Variants in TMPRSS4 observed in about 807,000 individuals in gnomAD.
TMPRSS4 encodes transmembrane protease serine 4.
Under a neutral mutation model 56.4 loss-of-function variants are expected in TMPRSS4, and 45 were observed. The observed-to-expected ratio is 0.80, with a 90% CI of 0.63 to 1.02. The LOEUF (loss-of-function observed/expected upper bound fraction) is 1.02. TMPRSS4 is among the 50% of genes least tolerant of loss of function. The pLI, the probability that TMPRSS4 is intolerant of heterozygous loss-of-function variation, is 0.00. For synonymous variants in TMPRSS4, 205 were observed against 211.0 expected, an observed-to-expected ratio of 0.97 and a Z score of 0.25; for missense variants, 546 against 556.7, an observed-to-expected ratio of 0.98 and a Z score of 0.19.
At chr11:118,089,683 G>A (rs1945815792) in intron 1 of TMPRSS4, among the ~76,000 whole-genome samples, 1 of 152,060 alleles carries the variant, frequency 6.6e-6, no homozygotes, top group Admixed American at 6.5e-5. Flanking sequence ...ACAAATATTG[G>A]CTATACATAT....
intron 2 of TMPRSS4, among the ~76,000 whole-genome samples, chr11:118,096,846 GGAAAGAAA>G (rs749979292): frequency 0.028 from 1,012 of 36,278 alleles, 154 homozygotes; most frequent in Middle Eastern, 0.11. Flanking sequence ...AAGGAAAGAA[GGAAAGAAA>G]GAAAGAAAGA....
chr11:118,096,266 A>G (rs1946281961), intron 2 of TMPRSS4, among the ~76,000 whole-genome samples: 2 of 152,248 alleles, frequency 1.3e-5, no homozygotes, highest in South Asian at 4.1e-4. Flanking sequence ...ATTCCAGTCC[A>G]CATCCCCACT....
chr11:118,082,951 AT>A (rs1258911643), intron 1 of TMPRSS4, among the ~76,000 whole-genome samples: 1 of 152,158 alleles, frequency 6.6e-6, no homozygotes, highest in African/African-American at 2.4e-5. Flanking sequence ...CTCCACTGAA[AT>A]CAAATGCAGA....
intron 2 of TMPRSS4, among the ~76,000 whole-genome samples, chr11:118,096,803 G>A (rs532137861): frequency 1.4e-5 from 2 of 143,454 alleles, no homozygotes; most frequent in East Asian, 4.0e-4. Flanking sequence ...GAGAGAGAGA[G>A]GAGAGAAAAA....
At chr11:118,124,279 G>A (rs144027185), downstream of TMPRSS4, among the ~76,000 whole-genome samples, 1,680 of 152,218 alleles carry the variant, frequency 0.011, 35 homozygotes, top group African/African-American at 0.038. Context: ...CACCTACTTG[G>A]GAGGCTGAGG....
chr11:118,102,077 C>T (rs902802137), intron 3 of TMPRSS4, among the ~76,000 whole-genome samples: 1 of 152,056 alleles, frequency 6.6e-6, no homozygotes, highest in Non-Finnish European at 1.5e-5. Flanking sequence ...TGTGCCATGG[C>T]GGTTTGCTGC....
Position 118,111,734 on chromosome 11 carries a change from T to C in TMPRSS4, c.584-7T>C, listed in dbSNP as rs2135443294. On this transcript the variant is annotated splice_region_variant and splice_polypyrimidine_tract_variant and intron_variant, in intron 7 of 12. Transcript: ENST00000437212. ...CCTGCCTCCTCCCTGCCTCTGCCTG[T>C]GTCCAGCCTGTGGGAAGAGCCTGAA... 1 of 1,562,128 alleles carries C rather than the reference T, an allele frequency of 6.4e-7. No homozygotes were observed. The highest frequency in any genetic ancestry group is 2.4e-5 in the East Asian group (1 of 41,326).
chr11:118,105,084 AAC>A (rs113661712), intron 5 of TMPRSS4, among the ~76,000 whole-genome samples: 127 of 151,604 alleles, frequency 8.4e-4, no homozygotes, highest in African/African-American at 3.0e-3. Context: ...GCTGCCCTCC[AAC>A]ACACACACAC....
chr11:118,118,790 T>C lies in TMPRSS4; in HGVS notation c.*877T>C. On this transcript the variant is annotated 3_prime_UTR_variant, in exon 13 of 13. Coordinates refer to ENST00000437212, the MANE Select transcript of TMPRSS4 (RefSeq NM_019894.4). ...GTCAAGGGTGACATTCAATCAGGGA[T>C]CCACAAGTGGCTGGAAAGAAATGCT... 1.0e-6 allele frequency: 1 copy of C among 985,428 alleles called. No homozygotes were observed. The highest frequency in any genetic ancestry group is 1.2e-6 in the Non-Finnish European group (1 of 829,940). The allele number at this position is 985,428 out of a possible 1,614,324, so 61.0% of individuals were successfully genotyped here.
chr11:118,123,240 A>AC (rs780811158), downstream of TMPRSS4, among the ~76,000 whole-genome samples: 11 of 152,102 alleles, frequency 7.2e-5, no homozygotes, highest in Non-Finnish European at 1.3e-4. Context: ...TCATCACCTT[A>AC]CCCACTAACA....
At chr11:118,107,667 C>A in intron 5 of TMPRSS4, 107 bp from the exon 6 acceptor site, 1 of 905,998 alleles carries the variant, frequency 1.1e-6, no homozygotes, top group Non-Finnish European at 1.7e-6. Flanking sequence ...CACTCCCCAC[C>A]AAGCATTCTC....
intron 1 of TMPRSS4, among the ~76,000 whole-genome samples, chr11:118,090,068 C>A (rs1408374134): frequency 1.3e-5 from 2 of 152,150 alleles, no homozygotes; most frequent in East Asian, 1.9e-4. Flanking sequence ...TGGTCTCGAA[C>A]TCCTGACGTC....
In TMPRSS4 at chr11:118,112,756, G is replaced by A. The variant is rs145071415; in HGVS notation, c.744-513G>A. On this transcript the variant is annotated intron_variant, in intron 8 of 12. Coordinates refer to ENST00000437212, the MANE Select transcript of TMPRSS4 (RefSeq NM_019894.4). Reference sequence around the variant, plus strand: ...CCAGGTACCAAACACCAGATGATGCGCCCAAGTTCATTAGACCCCACCGCT... The same window carrying A: ...CCAGGTACCAAACACCAGATGATGCACCCAAGTTCATTAGACCCCACCGCT... 1.2e-3 allele frequency among the ~76,000 whole-genome samples: 175 copies of A among 150,608 alleles called. 1 individual carries two copies. Among genetic ancestry groups the A allele is most frequent in the African/African-American group, 3.9e-3 (158 of 40,936 alleles).
At chr11:118,104,657 C>A (rs779223241) in intron 4 of TMPRSS4, 34 bp from the exon 5 acceptor site, 12 of 1,613,876 alleles carry the variant, frequency 7.4e-6, no homozygotes, top group Admixed American at 1.7e-5. Flanking sequence ...GTTGGGCCCC[C>A]CGTTCCATCT....
intron 3 of TMPRSS4, among the ~76,000 whole-genome samples, chr11:118,101,845 A>G (rs1035593530): frequency 1.2e-4 from 18 of 152,204 alleles, no homozygotes; most frequent in Non-Finnish European, 2.5e-4. Flanking sequence ...CATCATCCCA[A>G]AATGGCAAAA....
intron 1 of TMPRSS4, among the ~76,000 whole-genome samples, chr11:118,092,212 G>A (rs978531025): frequency 7.2e-5 from 11 of 152,204 alleles, no homozygotes; most frequent in Non-Finnish European, 1.2e-4. Flanking sequence ...CACCTTGCCC[G>A]CTGCCTAGAC....
chr11:118,096,825 G>GGAA (rs1565421994), intron 2 of TMPRSS4, among the ~76,000 whole-genome samples: 1,164 of 21,296 alleles, frequency 0.055, 475 homozygotes, highest in African/African-American at 0.059. Flanking sequence ...GAAAGAAAGA[G>GGAA]AGAAAGAAAG....
At chr11:118,123,536 G>T (rs201538498), downstream of TMPRSS4, among the ~76,000 whole-genome samples, 5 of 149,238 alleles carry the variant, frequency 3.4e-5, no homozygotes, top group African/African-American at 1.2e-4. Flanking sequence ...CTTTTTTTTT[G>T]AGACGGAGTC....
At chr11:118,088,093 T>C (rs1486160530) in intron 1 of TMPRSS4, 1 of 152,142 alleles carries the variant, frequency 6.6e-6, no homozygotes, top group African/African-American at 2.4e-5. Context: ...GGAGGAGTGA[T>C]TCAAAAGGAC....
Sources: allele counts gnomAD v4.1 joint callset (sites outside exome capture counted in the v4.1 genomes callset), GRCh38; gene constraint gnomAD v4.1.1; transcripts MANE v1.5; gene names NCBI Gene and HGNC (gene_info 2026-07-23, HGNC 2026-07-21).